MGLL: variants seen among roughly 807,000 people sequenced by gnomAD.
MGLL encodes monoglyceride lipase, also known as lysophospholipase homolog.
A neutral mutation model predicts 29.1 loss-of-function variants in MGLL; 7 were observed. The observed-to-expected ratio is 0.24, with a 90% CI of 0.14 to 0.45. The LOEUF (loss-of-function observed/expected upper bound fraction) is 0.45. MGLL is among the 20% of genes least tolerant of loss of function. The probability of loss-of-function intolerance (pLI) is 0.99; values close to 1 mark genes in which losing one functional copy is unlikely to be tolerated. For missense variants in MGLL, 356 were observed against 413.6 expected (o/e 0.86, Z 1.21); for synonymous variants, 148 against 168.3 (o/e 0.88, Z 0.93).
intron 2 of MGLL, among the ~76,000 whole-genome samples, chr3:127,801,549 G>C (rs1261327183): frequency 6.6e-6 from 1 of 151,624 alleles, no homozygotes; most frequent in Non-Finnish European, 1.5e-5. Flanking sequence ...CCGGGAGGCG[G>C]AGGTTGCAGT....
chr3:127,733,710 C>T (rs2076192336), intron 3 of MGLL, among the ~76,000 whole-genome samples: 1 of 152,212 alleles, frequency 6.6e-6, no homozygotes, highest in South Asian at 2.1e-4. Flanking sequence ...CATTATATCA[C>T]TGTCTCCACA....
At chr3:127,719,390 C>T (rs1407016930) in intron 5 of MGLL, among the ~76,000 whole-genome samples, 1 of 152,202 alleles carries the variant, frequency 6.6e-6, no homozygotes, top group Non-Finnish European at 1.5e-5. Flanking sequence ...TGGATTCAAA[C>T]CCATCACAAG....
At chr3:127,810,070 C>G (rs2077635226) in intron 2 of MGLL, among the ~76,000 whole-genome samples, 1 of 152,170 alleles carries the variant, frequency 6.6e-6, no homozygotes, top group Non-Finnish European at 1.5e-5. Flanking sequence ...ACAGCCTATA[C>G]AATGAAGCCC....
rs1021920691 is a variant in MGLL, at chr3:127,707,840, G to A, written c.600+2736C>T. Among the ~76,000 whole-genome samples the A allele has an allele frequency of 2.6e-5, 4 of 152,216 alleles. No homozygotes were observed. The South Asian group carries it at 8.3e-4, about 31-fold the overall frequency. On this transcript the variant is annotated intron_variant, in intron 6 of 7. Transcript: ENST00000265052. ...TATAGGGTGGCAGCTTTGGGGCGAC[G>A]CAAGTGAAGAGAGCCCACTAGCAGT...
chr3:127,775,316 C>A (rs929863519), intron 3 of MGLL, among the ~76,000 whole-genome samples: 1 of 152,184 alleles, frequency 6.6e-6, no homozygotes, highest in Admixed American at 6.5e-5. Flanking sequence ...AAACGGTTAA[C>A]ACATTTTTCA....
rs984057833 is a variant in MGLL, at chr3:127,761,835, A to G, written c.262+19954T>C. On this transcript the variant is annotated intron_variant, in intron 3 of 7. Transcript: ENST00000265052. The surrounding 1 kb of genome is among the most constrained non-coding windows in gnomAD (Gnocchi z 4.6). ...ATTCTCAAATGCCCAGACAAGCACT[A>G]AATATGCGTAGTGCACCCAGCGCAC... 1.3e-5 allele frequency among the ~76,000 whole-genome samples: 2 copies of G among 152,176 alleles called. No individual in the cohort carries two copies. Among genetic ancestry groups the G allele is most frequent in the Non-Finnish European group, 2.9e-5 (2 of 68,030 alleles).
intron 3 of MGLL, among the ~76,000 whole-genome samples, chr3:127,741,608 C>T (rs757477687): frequency 6.6e-6 from 1 of 152,228 alleles, no homozygotes; most frequent in African/African-American, 2.4e-5. Flanking sequence ...CCAGCAGGAA[C>T]AGCCAGGGAG....
At chr3:127,730,064 A>G (rs2076120828) in intron 3 of MGLL, among the ~76,000 whole-genome samples, 1 of 152,212 alleles carries the variant, frequency 6.6e-6, no homozygotes, top group Non-Finnish European at 1.5e-5. Context: ...CAAATTATTC[A>G]GGCTCAAAAC....
At chr3:127,810,262 T>C (rs1435565938) in intron 2 of MGLL, among the ~76,000 whole-genome samples, 3 of 151,802 alleles carry the variant, frequency 2.0e-5, no homozygotes, top group Admixed American at 6.6e-5. Context: ...AGAAAATTAA[T>C]TTCTGTTGTT....
intron 3 of MGLL, among the ~76,000 whole-genome samples, chr3:127,781,210 A>G (rs1230193731): frequency 6.6e-6 from 1 of 152,076 alleles, no homozygotes; most frequent in Non-Finnish European, 1.5e-5. Context: ...TTTTACGTGT[A>G]TGTGTATAGG....
At chr3:127,787,437 C>T (rs1211858353) in intron 2 of MGLL, among the ~76,000 whole-genome samples, 1 of 152,222 alleles carries the variant, frequency 6.6e-6, no homozygotes, top group African/African-American at 2.4e-5. Context: ...GAGGGGAAAA[C>T]GCTAGCCTCC....
intron 7 of MGLL, among the ~76,000 whole-genome samples, chr3:127,694,205 G>A (rs1019103102): frequency 2.0e-4 from 30 of 149,416 alleles, no homozygotes; most frequent in African/African-American, 6.9e-4. Flanking sequence ...GGGAGGCAGA[G>A]GTTGCTGTGA....
chr3:127,798,879 A>G (rs543370452), intron 2 of MGLL, among the ~76,000 whole-genome samples: 1 of 152,132 alleles, frequency 6.6e-6, no homozygotes, highest in East Asian at 1.9e-4. Flanking sequence ...GGTGTCCACA[A>G]TGAAGTGAGG....
chr3:127,814,569 A>T (rs563634215), intron 2 of MGLL, among the ~76,000 whole-genome samples: 1 of 152,328 alleles, frequency 6.6e-6, no homozygotes, highest in Admixed American at 6.5e-5. Flanking sequence ...ATAAATAGAC[A>T]ATGGTGGACA....
chr3:127,707,130 G>T (rs1168324891), intron 6 of MGLL, among the ~76,000 whole-genome samples: 1 of 152,202 alleles, frequency 6.6e-6, no homozygotes, highest in Non-Finnish European at 1.5e-5. Context: ...TGCGCAGGAA[G>T]GGCCTCCCAG....
At chr3:127,767,379 T>C (rs1448782294) in intron 3 of MGLL, among the ~76,000 whole-genome samples, 1 of 152,220 alleles carries the variant, frequency 6.6e-6, no homozygotes, top group Non-Finnish European at 1.5e-5. Flanking sequence ...AGATTGTAAA[T>C]AATTAACCAA....
At chr3:127,819,062 GT>G (rs1489259773) in intron 2 of MGLL, among the ~76,000 whole-genome samples, 1 of 152,232 alleles carries the variant, frequency 6.6e-6, no homozygotes. Context: ...AGCACTGATG[GT>G]AAAGGCTAAC....
chr3:127,764,792 G>A (rs955282502), intron 3 of MGLL, among the ~76,000 whole-genome samples: 7 of 152,124 alleles, frequency 4.6e-5, no homozygotes, highest in South Asian at 2.1e-4. Context: ...TTCCTAAGGC[G>A]GAAAAGTAGT....
intron 3 of MGLL, among the ~76,000 whole-genome samples, chr3:127,742,130 T>C (rs903251100): frequency 6.6e-6 from 1 of 152,236 alleles, no homozygotes; most frequent in Non-Finnish European, 1.5e-5. Context: ...GAACTAAAAA[T>C]GCTTTTCAAC....
Sources: gnomAD v4.1 joint callset for allele counts (sites outside exome capture counted in the v4.1 genomes callset) on GRCh38, gnomAD v4.1.1 for gene constraint, Gnocchi (gnomAD v3.1) non-coding constraint, MANE v1.5 for transcripts, NCBI Gene and HGNC (gene_info 2026-07-23, HGNC 2026-07-21) for gene names.